Variants in IL31RA observed in about 807,000 individuals in gnomAD.
The protein encoded by IL31RA is interleukin 31 receptor A, also known as interleukin-31 receptor subunit alpha.
IL31RA carries 66 observed loss-of-function variants against 83.7 expected under a neutral mutation model. That is an observed-to-expected ratio of 0.79 (90% confidence interval 0.65 to 0.97). The LOEUF (loss-of-function observed/expected upper bound fraction) is 0.97. IL31RA is among the 50% of genes least tolerant of loss of function. The pLI, the probability that IL31RA is intolerant of heterozygous loss-of-function variation, is 0.00. For synonymous variants in IL31RA, 325 were observed against 329.0 expected (o/e 0.99, Z 0.13); for missense variants, 798 against 919.4 (o/e 0.87, Z 1.71).
chr5:55,898,520 TAAAAAGAATGTTATTTA>T lies in IL31RA; in HGVS notation c.853-1389_853-1373del, dbSNP rs1435763386. On this transcript the variant is annotated intron_variant, in intron 7 of 14. Coordinates refer to ENST00000652347, the MANE Select transcript of IL31RA (RefSeq NM_139017.7). ...AATTGTATCTCAATTTTTATTATTT[TAAAAAGAATGTTATTTA>T]AAAAAGTTATTTAAAATGTTAATAT... Among the ~76,000 whole-genome samples, 4 of 151,990 alleles carry T rather than the reference TAAAAAGAATGTTATTTA, an allele frequency of 2.6e-5. No individual in the cohort carries two copies. In the East Asian group the frequency reaches 5.8e-4, roughly 22 times the overall value.
At chr5:55,879,992 G>A (rs1747102446) in intron 4 of IL31RA, among the ~76,000 whole-genome samples, 1 of 152,032 alleles carries the variant, frequency 6.6e-6, no homozygotes, top group Admixed American at 6.5e-5. Context: ...ACTTTGGTGT[G>A]GATACAAATG....
the IL31RA span, among the ~76,000 whole-genome samples, chr5:55,841,625 C>T: frequency 3.3e-5 from 5 of 152,130 alleles, no homozygotes; most frequent in South Asian, 8.3e-4. Context: ...TTTCTTTTCT[C>T]GCATGTCTAA....
intron 9 of IL31RA, among the ~76,000 whole-genome samples, chr5:55,906,698 G>A (rs1237794173): frequency 1.3e-5 from 2 of 152,160 alleles, no homozygotes; most frequent in East Asian, 3.8e-4. Flanking sequence ...TTCTTTTCAG[G>A]AAAGTCCCTG....
At chr5:55,841,860 G>C in the IL31RA span, among the ~76,000 whole-genome samples, 3 of 151,862 alleles carry the variant, frequency 2.0e-5, no homozygotes, top group Non-Finnish European at 4.4e-5. Context: ...CACAGTTCTG[G>C]AGACCAAAAG....
intron 1 of IL31RA, chr5:55,853,177 C>A: frequency 3.7e-6 from 1 of 266,670 alleles, no homozygotes; most frequent in Non-Finnish European, 6.1e-6. Flanking sequence ...AAGATACTCT[C>A]ACTGTTTCAG....
chr5:55,867,221 T>TTG (rs1192139886), intron 2 of IL31RA, among the ~76,000 whole-genome samples: 3 of 74,726 alleles, frequency 4.0e-5, no homozygotes, highest in African/African-American at 6.8e-5. Context: ...GCATGTGTGT[T>TTG]TGTGTGTGTG....
intron 2 of IL31RA, among the ~76,000 whole-genome samples, chr5:55,868,114 A>T (rs1746299617): frequency 6.6e-6 from 1 of 152,242 alleles, no homozygotes. Flanking sequence ...TGATGGAAGG[A>T]AATCCTAAAT....
intron 11 of IL31RA, among the ~76,000 whole-genome samples, chr5:55,909,569 A>G (rs1222999751): frequency 6.6e-6 from 1 of 152,062 alleles, no homozygotes; most frequent in Non-Finnish European, 1.5e-5. Flanking sequence ...CATCCTTGTC[A>G]ATACGTGTTA....
intron 7 of IL31RA, among the ~76,000 whole-genome samples, chr5:55,898,287 C>G (rs57083241): frequency 3.3e-5 from 5 of 151,614 alleles, no homozygotes; most frequent in Non-Finnish European, 1.5e-5. Context: ...TCCTCCCCGT[C>G]GCCTGTTGGG....
chr5:55,922,288 G>A lies in IL31RA; in HGVS notation c.*5168G>A. 4 of 860,944 alleles carry A rather than the reference G, an allele frequency of 4.6e-6. No individual in the cohort carries two copies. In the Admixed American group the frequency reaches 6.0e-5, roughly 13 times the overall value. The allele number at this position is 860,944 out of a possible 1,614,324, so 53.3% of individuals were successfully genotyped here. On this transcript the variant is annotated 3_prime_UTR_variant, in exon 15 of 15. Coordinates refer to ENST00000652347, the MANE Select transcript of IL31RA (RefSeq NM_139017.7). Reference sequence around the variant, plus strand: ...ATGAAAAGGGCTGGGGAGAAGCAAGGGGCAGGGGAGGGGCAGAACTCCACA... The same window carrying A: ...ATGAAAAGGGCTGGGGAGAAGCAAGAGGCAGGGGAGGGGCAGAACTCCACA...
rs1271702778 is a variant in IL31RA, at chr5:55,908,324, A to G, written c.1414A>G (p.Thr472Ala). ...ENIGVKTVTITWKEIPKSERK... is the reference protein window; with the variant it reads ...ENIGVKTVTIAWKEIPKSERK... The stretch of plus-strand genomic sequence containing the variant: ...CATTGGCGTGAAGACGGTCACGATC[A>G]CATGGAAAGAGATTCCCAAGAGTGA... The change falls in exon 11 of 15, where the codon ACA becomes GCA. Residue 472 changes from threonine to alanine, a missense_variant. By Grantham distance (58) the Thr-to-Ala change is moderately conservative. Transcript: ENST00000652347. 1.2e-6 allele frequency: 2 copies of G among 1,614,106 alleles called. No individual in the cohort carries two copies. Among genetic ancestry groups the G allele is most frequent in the East Asian group, 2.2e-5 (1 of 44,896 alleles).
At position 55,899,949 on chromosome 5, in the gene IL31RA, C is replaced by T. The variant is rs556986558; in HGVS notation, c.886C>T (p.Leu296Phe). 6.2e-7 allele frequency: 1 copy of T among 1,614,188 alleles called. No homozygotes were observed. Among genetic ancestry groups the T allele is most frequent in the African/African-American group, 1.3e-5 (1 of 75,058 alleles). ...AGGAGCCCCAGTCCTAGAGAAAACA[C>T]TTGGCTACAACATATGGTACTATCC... ...ARGAPVLEKT[L>F]GYNIWYYPES... The change falls in exon 8 of 15, where the codon CTT (leucine) becomes TTT (phenylalanine). Residue 296 changes from leucine to phenylalanine, a missense_variant. Leu to Phe is a conservative substitution (Grantham distance 22, BLOSUM62 0). Transcript: ENST00000652347.
the IL31RA span, chr5:55,840,150 G>A: frequency 3.6e-6 from 1 of 274,662 alleles, no homozygotes; most frequent in Admixed American, 4.6e-5. Flanking sequence ...TGAGATTATG[G>A]CTGTTGCATC....
the IL31RA span, among the ~76,000 whole-genome samples, chr5:55,844,212 AC>A: frequency 6.6e-6 from 1 of 152,010 alleles, no homozygotes; most frequent in Admixed American, 6.6e-5. Flanking sequence ...AGAGAAAAAA[AC>A]CCCCACCAAC....
the IL31RA span, among the ~76,000 whole-genome samples, chr5:55,845,778 G>A: frequency 6.6e-6 from 1 of 152,122 alleles, no homozygotes; most frequent in Admixed American, 6.5e-5. Context: ...ACCCAGTCTC[G>A]GGTGTTTCTT....
chr5:55,841,504 C>CA, the IL31RA span, among the ~76,000 whole-genome samples: 66 of 152,302 alleles, frequency 4.3e-4, no homozygotes, highest in African/African-American at 1.5e-3. Context: ...GGACTTAATA[C>CA]AACAGGGTCT....
intron 13 of IL31RA, among the ~76,000 whole-genome samples, chr5:55,913,998 G>A (rs879423850): frequency 1.5e-4 from 23 of 152,362 alleles, no homozygotes; most frequent in Middle Eastern, 3.4e-3. Flanking sequence ...CTGGCCAGTC[G>A]TCTGTGGGTG....
chr5:55,910,589 C>A lies in IL31RA; in HGVS notation c.1559C>A (p.Thr520Asn). Residue 520 changes from threonine (T) to asparagine (N), a missense_variant, in exon 12 of 15, where the codon ACC (threonine) becomes AAC (asparagine). Coordinates refer to ENST00000652347, the MANE Select transcript of IL31RA (RefSeq NM_139017.7). ...GGCCTGGAGTCCCTGAAACGAAAGA[C>A]CTCTTACATTGTTCAGGTCATGGCC... Reference protein sequence around the residue: ...QYGLESLKRKTSYIVQVMAST... With the variant: ...QYGLESLKRKNSYIVQVMAST... 1 of 1,614,074 alleles carries A rather than the reference C, an allele frequency of 6.2e-7. No homozygotes were observed. The highest frequency in any genetic ancestry group is 8.5e-7 in the Non-Finnish European group (1 of 1,179,948).
chr5:55,844,475 T>C, the IL31RA span, among the ~76,000 whole-genome samples: 1 of 152,150 alleles, frequency 6.6e-6, no homozygotes, highest in Non-Finnish European at 1.5e-5. Context: ...AACAGATAAG[T>C]TTGTTCAAAG....
Sources: allele counts gnomAD v4.1 joint callset (sites outside exome capture counted in the v4.1 genomes callset), GRCh38; gene constraint gnomAD v4.1.1; transcripts MANE v1.5; gene names NCBI Gene and HGNC (gene_info 2026-07-23, HGNC 2026-07-21).